The following PAFAH1B1 variants were observed in gnomAD, a reference collection of about 807,000 sequenced individuals.
The protein encoded by PAFAH1B1 is platelet activating factor acetylhydrolase 1b regulatory subunit 1.
PAFAH1B1 carries 2 observed loss-of-function variants against 57.5 expected under a neutral mutation model. The ratio of observed to expected loss-of-function variants is 0.03; its 90% confidence interval spans 0.01 to 0.11. The LOEUF (loss-of-function observed/expected upper bound fraction) is 0.11, where lower values mean the gene tolerates loss of function less well. Ranked by LOEUF, PAFAH1B1 falls within the 10% of genes least tolerant of loss-of-function variation. PAFAH1B1 has a pLI of 1.00. For missense variants in PAFAH1B1, 257 were observed against 512.0 expected, an observed-to-expected ratio of 0.50 and a Z score of 4.81; for synonymous variants, 152 against 169.6, an observed-to-expected ratio of 0.90 and a Z score of 0.81.
intron 1 of PAFAH1B1, among the ~76,000 whole-genome samples, chr17:2,612,307 G>A (rs1299130158): frequency 6.6e-6 from 1 of 151,200 alleles, no homozygotes; most frequent in Non-Finnish European, 1.5e-5. Flanking sequence ...GGGTTCGAGT[G>A]ATTCTCCTGC....
chr17:2,676,292 C>A (rs536287963), intron 8 of PAFAH1B1: 9 of 485,508 alleles, frequency 1.9e-5, no homozygotes, highest in Non-Finnish European at 3.4e-5. Context: ...GCAGGAGATT[C>A]GCTTGAACCC....
At chr17:2,680,458 G>C in intron 10 of PAFAH1B1, 138 bp downstream of exon 10, 1 of 793,560 alleles carries the variant, frequency 1.3e-6, no homozygotes, top group Non-Finnish European at 2.2e-6. Flanking sequence ...TGAAAATCTT[G>C]TGGATTCCTA....
At chr17:2,659,490 C>T in intron 2 of PAFAH1B1, 1 of 179,400 alleles carries the variant, frequency 5.6e-6, no homozygotes, top group South Asian at 6.8e-5. Flanking sequence ...CACTGCATTC[C>T]AGCCTGGCGA....
rs1423269946 is a variant in PAFAH1B1, at chr17:2,593,914, C to T, written c.-283C>T. On this transcript the variant is annotated 5_prime_UTR_variant, in exon 1 of 11. Transcript: ENST00000397195. Reference sequence around the variant, plus strand: ...CTCCCCCCTCCTTCCCTCCCTCCCTCCTTCCTCCCTCCCCTCTCCCTCCCC... The same window carrying T: ...CTCCCCCCTCCTTCCCTCCCTCCCTTCTTCCTCCCTCCCCTCTCCCTCCCC... 8.6e-5 allele frequency: 31 copies of T among 360,508 alleles called. No individual in the cohort carries two copies. The highest frequency in any genetic ancestry group is 1.3e-4 in the Non-Finnish European group (26 of 202,678). The allele number at this position is 360,508 out of a possible 1,614,324, so 22.3% of individuals were successfully genotyped here.
At chr17:2,678,994 A>G (rs2069319773) in intron 9 of PAFAH1B1, among the ~76,000 whole-genome samples, 1 of 152,232 alleles carries the variant, frequency 6.6e-6, no homozygotes, top group African/African-American at 2.4e-5. Context: ...GTGAGACTGA[A>G]GAACTGAATT....
In PAFAH1B1 at chr17:2,682,020, G is replaced by T; in HGVS notation, c.*218G>T. On this transcript the variant is annotated 3_prime_UTR_variant, in exon 11 of 11. Coordinates refer to ENST00000397195, the MANE Select transcript of PAFAH1B1 (RefSeq NM_000430.4). Reference sequence around the variant, plus strand: ...ACATACGTTGTCTAGAAGTACCATAGGGTTTAAAAACCTGGGCTGGCATTG... The same window carrying T: ...ACATACGTTGTCTAGAAGTACCATATGGTTTAAAAACCTGGGCTGGCATTG... The T allele has an allele frequency of 2.0e-6, 1 of 506,924 alleles. No homozygotes were observed. The highest frequency in any genetic ancestry group is 3.5e-6 in the Non-Finnish European group (1 of 285,324). The allele number at this position is 506,924 out of a possible 1,614,324, so 31.4% of individuals were successfully genotyped here.
intron 1 of PAFAH1B1, among the ~76,000 whole-genome samples, chr17:2,597,849 T>C (rs947395848): frequency 2.0e-5 from 3 of 152,064 alleles, no homozygotes; most frequent in Non-Finnish European, 2.9e-5. Flanking sequence ...ATTTTAAGTA[T>C]CCAGCAAAAA....
chr17:2,653,869 C>T (rs1265937256), intron 2 of PAFAH1B1, among the ~76,000 whole-genome samples: 2 of 152,048 alleles, frequency 1.3e-5, no homozygotes, highest in Non-Finnish European at 2.9e-5. Context: ...AGTACAGTGG[C>T]GCAATCTCGG....
chr17:2,685,036 C>G lies in PAFAH1B1; in HGVS notation c.*3234C>G, dbSNP rs1056227934. On this transcript the variant is annotated 3_prime_UTR_variant, in exon 11 of 11. Transcript: ENST00000397195. ...GTTAAAATTGTTGAAGGAAAAGGCA[C>G]TTAAATTGGTTACTTTCATGTCCAG... 1 of 152,142 alleles carries G rather than the reference C, an allele frequency of 6.6e-6. No homozygotes were observed. The highest frequency in any genetic ancestry group is 2.1e-4 in the South Asian group (1 of 4,822). The allele number at this position is 152,142 out of a possible 1,614,324, so 9.4% of individuals were successfully genotyped here.
At chr17:2,625,977 G>A (rs1051032340) in intron 1 of PAFAH1B1, among the ~76,000 whole-genome samples, 2 of 151,978 alleles carry the variant, frequency 1.3e-5, no homozygotes, top group African/African-American at 2.4e-5. Flanking sequence ...AAAGCCAGGC[G>A]TGGTGGCTCA....
intron 9 of PAFAH1B1, 100 bp downstream of exon 9, chr17:2,676,706 G>C (rs116235430): frequency 5.0e-6 from 4 of 795,142 alleles, no homozygotes; most frequent in Admixed American, 1.9e-5. Context: ...ATTATTCTGG[G>C]CTTTAAAATA....
At chr17:2,671,340 C>A (rs150780877) in intron 6 of PAFAH1B1, among the ~76,000 whole-genome samples, 26 of 151,832 alleles carry the variant, frequency 1.7e-4, no homozygotes, top group Admixed American at 3.3e-4. Flanking sequence ...TCCTGAGTAT[C>A]TAGGATTATA....
At chr17:2,636,554 A>G (rs2068626976) in intron 1 of PAFAH1B1, among the ~76,000 whole-genome samples, 2 of 151,954 alleles carry the variant, frequency 1.3e-5, no homozygotes, top group Admixed American at 6.6e-5. Flanking sequence ...GGTTCAAGCA[A>G]TTTCTCGCAA....
At chr17:2,616,009 G>A (rs1000581316) in intron 1 of PAFAH1B1, among the ~76,000 whole-genome samples, 2 of 152,180 alleles carry the variant, frequency 1.3e-5, no homozygotes, top group East Asian at 1.9e-4. Flanking sequence ...CAAAAACTTA[G>A]TGGAAAGAAA....
chr17:2,644,023 C>G (rs1411989870), intron 2 of PAFAH1B1, among the ~76,000 whole-genome samples: 1 of 152,158 alleles, frequency 6.6e-6, no homozygotes, highest in Non-Finnish European at 1.5e-5. Flanking sequence ...CTCCCGCCAC[C>G]ACATCTGGCT....
At chr17:2,658,599 A>G (rs186035211) in intron 2 of PAFAH1B1, among the ~76,000 whole-genome samples, 105 of 152,262 alleles carry the variant, frequency 6.9e-4, no homozygotes, top group Non-Finnish European at 1.3e-3. Flanking sequence ...AATGGAATCG[A>G]GCAGGCTAGT....
Position 2,681,922 on chromosome 17 carries a change from G to A in PAFAH1B1, c.*120G>A, listed in dbSNP as rs2069390538. 1.4e-6 allele frequency: 1 copy of A among 721,648 alleles called. No individual in the cohort carries two copies. 44.7% of individuals were successfully genotyped at this position (721,648 alleles called of 1,614,324 possible). On this transcript the variant is annotated 3_prime_UTR_variant, in exon 11 of 11. Transcript: ENST00000397195. ...TCCTTTCATGTAAATTATTCTGGAT[G>A]TAGATTGAGCTTATTAAATGTTACA...
intron 1 of PAFAH1B1, among the ~76,000 whole-genome samples, chr17:2,633,544 GGGA>G (rs1403356096): frequency 6.6e-6 from 1 of 151,780 alleles, no homozygotes; most frequent in African/African-American, 2.4e-5. Context: ...ATTTGGCTGG[GGGA>G]AGAAAGAGAA....
chr17:2,674,043 ATTAT>A lies in PAFAH1B1; in HGVS notation c.672-12_672-9del, dbSNP rs781662793. On this transcript the variant is annotated splice_polypyrimidine_tract_variant and intron_variant, in intron 7 of 10. Coordinates refer to ENST00000397195, the MANE Select transcript of PAFAH1B1 (RefSeq NM_000430.4). Reference sequence around the variant, plus strand: ...ATGATTGTCATTCACAGTGTAAGTTATTATTTATATTGACAGCTACTGTGTGAAG... The same window carrying A: ...ATGATTGTCATTCACAGTGTAAGTTATTATATTGACAGCTACTGTGTGAAG... 1 of 1,545,490 alleles carries A rather than the reference ATTAT, an allele frequency of 6.5e-7. No homozygotes were observed. The highest frequency in any genetic ancestry group is 8.9e-7 in the Non-Finnish European group (1 of 1,118,178).
Sources: allele counts gnomAD v4.1 joint callset (sites outside exome capture counted in the v4.1 genomes callset), GRCh38; gene constraint gnomAD v4.1.1; transcripts MANE v1.5; gene names NCBI Gene and HGNC (gene_info 2026-07-23, HGNC 2026-07-21).